MTCL1: variants seen among roughly 807,000 people sequenced by gnomAD.
MTCL1 encodes the protein microtubule cross-linking factor 1.
A neutral mutation model predicts 141.4 loss-of-function variants in MTCL1; 79 were observed. The observed-to-expected ratio is 0.56, with a 90% CI of 0.47 to 0.67. The LOEUF (loss-of-function observed/expected upper bound fraction) is 0.67, where lower values mean the gene tolerates loss of function less well. Ranked by LOEUF, MTCL1 falls within the 30% of genes least tolerant of loss-of-function variation. The pLI is 0.00. For synonymous variants in MTCL1, 914 were observed against 875.8 expected (o/e 1.04, Z -0.77); for missense variants, 2,177 against 2,113.9 (o/e 1.03, Z -0.59).
chr18:8,710,450 G>C (rs1234013368), intron 1 of MTCL1, among the ~76,000 whole-genome samples: 1 of 140,044 alleles, frequency 7.1e-6, no homozygotes, highest in Non-Finnish European at 1.5e-5. Context: ...TAAAACCCAG[G>C]CACTTTCTTT....
chr18:8,815,655 AAAAAG>A (rs766983234), intron 12 of MTCL1, among the ~76,000 whole-genome samples: 2 of 152,112 alleles, frequency 1.3e-5, no homozygotes, highest in East Asian at 1.9e-4. Flanking sequence ...TTAAAAAAAA[AAAAAG>A]AAAAGTCAGT....
chr18:8,793,047 T>TG lies in MTCL1; in HGVS notation c.1937_1938insG (p.Gln647ThrfsTer24), dbSNP rs2075790536. 17 of 1,614,016 alleles carry TG rather than the reference T, an allele frequency of 1.1e-5. No individual in the cohort carries two copies. The highest frequency in any genetic ancestry group is 1.4e-5 in the Non-Finnish European group (16 of 1,180,022). On this transcript the variant is annotated frameshift_variant, in exon 8 of 17. Transcript: ENST00000359865. LOFTEE classifies it high-confidence loss of function. ...GAGCAGAGTGTATCCATAGAGGAGC[T>TG]ACAGGGTCAGCTCGTGCAGGCGGCC...
At chr18:8,763,224 A>C (rs529976332) in intron 4 of MTCL1, among the ~76,000 whole-genome samples, 1 of 152,342 alleles carries the variant, frequency 6.6e-6, no homozygotes, top group South Asian at 2.1e-4. Flanking sequence ...AGGAGTTACC[A>C]GGGGGTTAGA....
chr18:8,766,831 C>G (rs1272619495), intron 4 of MTCL1, among the ~76,000 whole-genome samples: 1 of 152,152 alleles, frequency 6.6e-6, no homozygotes, highest in Non-Finnish European at 1.5e-5. Context: ...CATCCTTAGT[C>G]CAAGGGCTGG....
upstream of MTCL1, among the ~76,000 whole-genome samples, chr18:8,713,908 G>GC (rs1198484061): frequency 6.6e-6 from 1 of 152,170 alleles, no homozygotes; most frequent in Non-Finnish European, 1.5e-5. Flanking sequence ...GCACCACTGC[G>GC]CTCCAGGTTG....
chr18:8,798,654 TA>T (rs1038255891), intron 10 of MTCL1, among the ~76,000 whole-genome samples: 5 of 152,074 alleles, frequency 3.3e-5, no homozygotes, highest in African/African-American at 1.2e-4. Context: ...GGACACGTTT[TA>T]AAAAAAATCC....
intron 1 of MTCL1, among the ~76,000 whole-genome samples, chr18:8,708,292 C>A (rs966574366): frequency 6.6e-6 from 1 of 152,214 alleles, no homozygotes; most frequent in African/African-American, 2.4e-5. Flanking sequence ...CTCATTGCAT[C>A]TTTGATCTTA....
intron 10 of MTCL1, among the ~76,000 whole-genome samples, chr18:8,805,598 A>G (rs1007668966): frequency 9.2e-5 from 14 of 152,194 alleles, no homozygotes; most frequent in Non-Finnish European, 1.8e-4. Flanking sequence ...GTGTGTGTGT[A>G]GAACCTGAAG....
At chr18:8,832,178 A>T (rs2077063015) in exon 17 of MTCL1, 1 of 207,488 alleles carries the variant, frequency 4.8e-6, no homozygotes, top group Admixed American at 5.3e-5. Context: ...GCCTCTGTTA[A>T]ATTTGCACTG....
intron 5 of MTCL1, 101 bp from the exon 5 acceptor site, chr18:8,783,429 T>G: frequency 1.9e-6 from 2 of 1,067,744 alleles, no homozygotes; most frequent in East Asian, 2.6e-5. Flanking sequence ...CGGTGTTTGA[T>G]GTTTGTGTGC....
At chr18:8,769,558 T>C (rs2096476123) in intron 4 of MTCL1, among the ~76,000 whole-genome samples, 1 of 152,226 alleles carries the variant, frequency 6.6e-6, no homozygotes, top group Admixed American at 6.5e-5. Flanking sequence ...CCAGCTCATA[T>C]TGCAAAGCAA....
chr18:8,828,786 GA>G lies in MTCL1; in HGVS notation c.4723-121del. The G allele has an allele frequency of 1.3e-6, 2 of 1,511,674 alleles. No homozygotes were observed. Among genetic ancestry groups the G allele is most frequent in the African/African-American group, 1.4e-5 (1 of 73,126 alleles). The allele number at this position is 1,511,674 out of a possible 1,614,324, so 93.6% of individuals were successfully genotyped here. On this transcript the variant is annotated intron_variant, in intron 15 of 16. Coordinates refer to ENST00000359865, the Ensembl canonical transcript of MTCL1. The surrounding 1 kb of genome is among the most constrained non-coding windows in gnomAD (Gnocchi z 5.2). ...CAAGTCTCTCCTGGTGGCTACCCCTGAGCGAGAGGGATGGTCCTCTACCTCC... is the reference window on the plus strand; with the variant it reads ...CAAGTCTCTCCTGGTGGCTACCCCTGGCGAGAGGGATGGTCCTCTACCTCC...
intron 4 of MTCL1, among the ~76,000 whole-genome samples, chr18:8,731,707 CA>C (rs34114623): frequency 0.37 from 56,637 of 151,322 alleles, 10,912 homozygotes; most frequent in Admixed American, 0.51. Flanking sequence ...CTGCTCTTCT[CA>C]AAAAAAAAAT....
chr18:8,770,536 T>C (rs1483742837), intron 4 of MTCL1, among the ~76,000 whole-genome samples: 5 of 152,172 alleles, frequency 3.3e-5, no homozygotes, highest in African/African-American at 2.4e-5. Flanking sequence ...GCTAATCCCA[T>C]TGTGGGGGTT....
At chr18:8,821,637 TTTA>T in intron 14 of MTCL1, 139 bp downstream of exon 13, 1 of 508,178 alleles carries the variant, frequency 2.0e-6, no homozygotes, top group East Asian at 3.5e-5. Context: ...AAGTGGCTGC[TTTA>T]TTATTCATTT....
Position 8,818,954 on chromosome 18 carries a change from ATTCTCAAG to A in MTCL1, c.2860-6_2861del, listed in dbSNP as rs777311660. Reference sequence around the variant, plus strand: ...GAGGCTAATTATTTTCATTTTTAAAATTCTCAAGTTGCAGAAAGAGAACAGTCCCCGGA... The same window carrying A: ...GAGGCTAATTATTTTCATTTTTAAAATTGCAGAAAGAGAACAGTCCCCGGA... On this transcript the variant is annotated splice_acceptor_variant and splice_polypyrimidine_tract_variant and intron_variant, in intron 12 of 16. Transcript: ENST00000359865. LOFTEE classifies it high-confidence loss of function. 6.3e-7 allele frequency: 1 copy of A among 1,596,618 alleles called. No individual in the cohort carries two copies. The highest frequency in any genetic ancestry group is 8.6e-7 in the Non-Finnish European group (1 of 1,168,810).
intron 4 of MTCL1, among the ~76,000 whole-genome samples, chr18:8,771,452 T>G (rs1268484236): frequency 6.6e-6 from 1 of 152,208 alleles, no homozygotes; most frequent in Non-Finnish European, 1.5e-5. Flanking sequence ...TTCTGAAAAT[T>G]ATCAGTCTGC....
At chr18:8,818,546 T>C (rs2076737166) in intron 12 of MTCL1, among the ~76,000 whole-genome samples, 1 of 152,260 alleles carries the variant, frequency 6.6e-6, no homozygotes, top group African/African-American at 2.4e-5. Context: ...AAGTTTGCTA[T>C]CACTGATAGT....
chr18:8,784,728 G>A, exon 6 of MTCL1: 1 of 1,614,202 alleles, frequency 6.2e-7, no homozygotes, highest in Admixed American at 1.7e-5. Context: ...ATTGGGGATG[G>A]CCTATCCCCC....
Sources: allele counts gnomAD v4.1 joint callset (sites outside exome capture counted in the v4.1 genomes callset), GRCh38; gene constraint gnomAD v4.1.1; non-coding constraint Gnocchi (gnomAD v3.1); transcripts MANE v1.5; gene names NCBI Gene and HGNC (gene_info 2026-07-23, HGNC 2026-07-21).